Variants in KCNQ5 observed in about 807,000 individuals in gnomAD.
KCNQ5 encodes the protein potassium voltage-gated channel subfamily KQT member 5.
A neutral mutation model predicts 98.2 loss-of-function variants in KCNQ5; 30 were observed. The observed-to-expected ratio is 0.31, with a 90% CI of 0.23 to 0.41. The LOEUF is 0.41. Among genes scored for constraint, KCNQ5 ranks in the 10% least tolerant of loss-of-function variants. The pLI is 1.00. For missense variants in KCNQ5, 835 were observed against 1,182.5 expected, an observed-to-expected ratio of 0.71 and a Z score of 4.31; for synonymous variants, 458 against 449.4, an observed-to-expected ratio of 1.02 and a Z score of -0.24.
At chr6:72,844,324 A>G (rs1776932668) in intron 1 of KCNQ5, among the ~76,000 whole-genome samples, 1 of 152,150 alleles carries the variant, frequency 6.6e-6, no homozygotes, top group African/African-American at 2.4e-5. Flanking sequence ...GATGCAAGGC[A>G]TTGTTCCTGT....
intron 7 of KCNQ5, among the ~76,000 whole-genome samples, chr6:73,111,662 A>G (rs1336734436): frequency 2.0e-5 from 3 of 152,232 alleles, no homozygotes; most frequent in African/African-American, 7.2e-5. Flanking sequence ...AAGGCCATGC[A>G]AAGGTTAGCA....
intron 1 of KCNQ5, among the ~76,000 whole-genome samples, chr6:72,691,473 G>A (rs1471808579): frequency 6.6e-6 from 1 of 152,202 alleles, no homozygotes; most frequent in East Asian, 1.9e-4. Flanking sequence ...TTCCCTTGAA[G>A]TAGTGGTTGC....
chr6:72,834,838 A>G (rs1371122010), intron 1 of KCNQ5, among the ~76,000 whole-genome samples: 1 of 152,096 alleles, frequency 6.6e-6, no homozygotes, highest in East Asian at 1.9e-4. Context: ...TGGAATGTAG[A>G]AAAACAGCCA....
chr6:72,751,993 C>A (rs1285946142), intron 1 of KCNQ5, among the ~76,000 whole-genome samples: 1 of 151,956 alleles, frequency 6.6e-6, no homozygotes, highest in African/African-American at 2.4e-5. Flanking sequence ...ACATCTTTTG[C>A]CTTTTGTTTG....
chr6:72,945,611 T>C (rs991524710), intron 1 of KCNQ5, among the ~76,000 whole-genome samples: 4 of 151,880 alleles, frequency 2.6e-5, no homozygotes, highest in Non-Finnish European at 5.9e-5. Flanking sequence ...CAGGCCACCA[T>C]GCCTGGCTAA....
At chr6:72,978,794 A>G (rs1241009739) in intron 1 of KCNQ5, among the ~76,000 whole-genome samples, 4 of 152,164 alleles carry the variant, frequency 2.6e-5, no homozygotes, top group African/African-American at 7.2e-5. Context: ...CGTCATTTAC[A>G]TTACATATTT....
intron 1 of KCNQ5, among the ~76,000 whole-genome samples, chr6:72,844,443 A>T (rs1339180070): frequency 2.0e-5 from 3 of 152,252 alleles, no homozygotes; most frequent in Non-Finnish European, 4.4e-5. Flanking sequence ...GATCCATTCT[A>T]TAATGAAACA....
intron 1 of KCNQ5, among the ~76,000 whole-genome samples, chr6:72,658,189 G>T (rs549538968): frequency 1.3e-5 from 2 of 151,976 alleles, no homozygotes; most frequent in Non-Finnish European, 2.9e-5. Flanking sequence ...AAATAAAATG[G>T]GTTTGTTCTA....
chr6:72,659,932 A>G (rs1766422330), intron 1 of KCNQ5, among the ~76,000 whole-genome samples: 4 of 152,166 alleles, frequency 2.6e-5, no homozygotes, highest in Admixed American at 2.6e-4. Flanking sequence ...TAGCTGTTCC[A>G]CTTCTAACCA....
chr6:72,737,926 T>C (rs1770930619), intron 1 of KCNQ5, among the ~76,000 whole-genome samples: 1 of 152,138 alleles, frequency 6.6e-6, no homozygotes, highest in Admixed American at 6.5e-5. Flanking sequence ...GAGGCCGAGG[T>C]GGGTGGATCA....
chr6:73,025,623 CAAAAAAAAAAAAAAAAAAAAAA>C (rs58607159), intron 2 of KCNQ5, among the ~76,000 whole-genome samples: 12 of 53,004 alleles, frequency 2.3e-4, no homozygotes, highest in African/African-American at 5.0e-4. Flanking sequence ...AACTCCATCT[CAAAAAAAAAAAAAAAAAAAAAA>C]AAAAAAAAAA....
intron 3 of KCNQ5, among the ~76,000 whole-genome samples, chr6:73,067,957 G>A (rs1304748473): frequency 6.6e-6 from 1 of 151,000 alleles, no homozygotes; most frequent in Non-Finnish European, 1.5e-5. Context: ...CCATTAATAT[G>A]CAAATGTATG....
At chr6:73,036,024 TGTGTG>T (rs1562140069) in intron 2 of KCNQ5, among the ~76,000 whole-genome samples, 8 of 150,372 alleles carry the variant, frequency 5.3e-5, no homozygotes, top group Non-Finnish European at 1.2e-4. Context: ...TGTGTGTGTG[TGTGTG>T]TATTGGCTCT....
chr6:72,922,092 C>A (rs1030179490), intron 1 of KCNQ5, among the ~76,000 whole-genome samples: 3 of 152,066 alleles, frequency 2.0e-5, no homozygotes, highest in Non-Finnish European at 2.9e-5. Flanking sequence ...AGGTACTATC[C>A]CCAGTTCTGT....
At chr6:72,901,999 T>C (rs886310167) in intron 1 of KCNQ5, among the ~76,000 whole-genome samples, 8 of 152,220 alleles carry the variant, frequency 5.3e-5, no homozygotes, top group African/African-American at 1.9e-4. Flanking sequence ...TGTTTTCATT[T>C]GTGTGTATCA....
chr6:73,074,206 T>C (rs1352517321), intron 3 of KCNQ5, among the ~76,000 whole-genome samples: 1 of 152,164 alleles, frequency 6.6e-6, no homozygotes, highest in African/African-American at 2.4e-5. Flanking sequence ...TATGAAATAG[T>C]AGATCACAAA....
At chr6:72,765,134 C>T (rs1772497375) in intron 1 of KCNQ5, among the ~76,000 whole-genome samples, 1 of 152,006 alleles carries the variant, frequency 6.6e-6, no homozygotes, top group African/African-American at 2.4e-5. Context: ...TGGGTATACA[C>T]CTAGCAGTGG....
chr6:72,783,854 T>G (rs1488804568), intron 1 of KCNQ5, among the ~76,000 whole-genome samples: 1 of 152,206 alleles, frequency 6.6e-6, no homozygotes, highest in Non-Finnish European at 1.5e-5. Flanking sequence ...GTTTTTGGAT[T>G]GGAGGCTTCT....
intron 1 of KCNQ5, among the ~76,000 whole-genome samples, chr6:73,002,861 C>T (rs1769647126): frequency 1.3e-5 from 2 of 152,162 alleles, no homozygotes; most frequent in African/African-American, 4.8e-5. Flanking sequence ...CTATACTGCC[C>T]AAACCCTGGC....
Sources: gnomAD v4.1 joint callset for allele counts (sites outside exome capture counted in the v4.1 genomes callset) on GRCh38, gnomAD v4.1.1 for gene constraint, MANE v1.5 for transcripts, NCBI Gene and HGNC (gene_info 2026-07-23, HGNC 2026-07-21) for gene names.